Variants in SLBP observed in about 807,000 individuals in gnomAD.
SLBP encodes the protein stem-loop histone mRNA binding protein, also known as histone RNA hairpin-binding protein.
Under a neutral mutation model 39.2 loss-of-function variants are expected in SLBP, and 29 were observed. The observed-to-expected ratio is 0.74, with a 90% CI of 0.55 to 1.01. The LOEUF (loss-of-function observed/expected upper bound fraction) is 1.01. Among genes scored for constraint, SLBP ranks in the 50% least tolerant of loss-of-function variants. SLBP has a pLI of 0.00. For synonymous variants in SLBP, 129 were observed against 118.7 expected, an observed-to-expected ratio of 1.09 and a Z score of -0.57; for missense variants, 390 against 350.2, an observed-to-expected ratio of 1.11 and a Z score of -0.91.
At chr4:1,693,799 A>C (rs779387539) in intron 7 of SLBP, 86 bp from the exon 8 acceptor site, 3 of 788,208 alleles carry the variant, frequency 3.8e-6, no homozygotes, top group Non-Finnish European at 6.7e-6. Context: ...TTATGTGGTA[A>C]ATCATGTGAT....
chr4:1,710,604 T>A (rs868519151), intron 2 of SLBP, among the ~76,000 whole-genome samples: 15 of 152,326 alleles, frequency 9.8e-5, no homozygotes, highest in Admixed American at 6.5e-5. Flanking sequence ...AGGAGAAAGA[T>A]CTACATGTTC....
chr4:1,693,773 T>C (rs928303504), intron 7 of SLBP, 60 bp from the exon 8 acceptor site: 1 of 968,158 alleles, frequency 1.0e-6, no homozygotes, highest in Non-Finnish European at 1.7e-6. Context: ...AGGGGCCCCT[T>C]CCTACACCCC....
chr4:1,697,527 A>T (rs1318052622), intron 5 of SLBP, among the ~76,000 whole-genome samples: 8 of 151,994 alleles, frequency 5.3e-5, no homozygotes, highest in African/African-American at 1.2e-4. Context: ...AAATATGTTT[A>T]AAAAAATTAA....
chr4:1,698,002 C>T (rs1398157173), intron 5 of SLBP, among the ~76,000 whole-genome samples: 1 of 151,830 alleles, frequency 6.6e-6, no homozygotes, highest in Non-Finnish European at 1.5e-5. Flanking sequence ...CGGCATGCAC[C>T]GCTGGTCCCA....
At chr4:1,702,702 T>G (rs1336096641) in intron 3 of SLBP, among the ~76,000 whole-genome samples, 1 of 152,156 alleles carries the variant, frequency 6.6e-6, no homozygotes, top group African/African-American at 2.4e-5. Context: ...CATTAGGTAA[T>G]GAGTCAACGA....
At chr4:1,703,302 A>ATTGTGCACCTACTTCCACTC (rs1716399116) in intron 3 of SLBP, among the ~76,000 whole-genome samples, 1 of 151,296 alleles carries the variant, frequency 6.6e-6, no homozygotes, top group Non-Finnish European at 1.5e-5. Flanking sequence ...CAGTAACACC[A>ATTGTGCACCTACTTCCACTC]TTGTGCACCT....
intron 5 of SLBP, among the ~76,000 whole-genome samples, chr4:1,698,290 C>T (rs939078759): frequency 6.7e-6 from 1 of 150,320 alleles, no homozygotes; most frequent in African/African-American, 2.4e-5. Context: ...GTTGAAATTG[C>T]GCCACTGCAC....
chr4:1,706,508 C>A (rs933784743), intron 2 of SLBP, among the ~76,000 whole-genome samples: 4 of 152,062 alleles, frequency 2.6e-5, no homozygotes, highest in African/African-American at 9.7e-5. Context: ...AGTCTTCAGT[C>A]AATATTGGGA....
chr4:1,711,673 G>A (rs1016928806), intron 2 of SLBP, among the ~76,000 whole-genome samples: 1 of 152,230 alleles, frequency 6.6e-6, no homozygotes, highest in African/African-American at 2.4e-5. Flanking sequence ...TCCCATCCTG[G>A]CAAGAGGCTT....
intron 5 of SLBP, 72 bp from the exon 6 acceptor site, chr4:1,696,423 C>A: frequency 1.6e-6 from 2 of 1,259,996 alleles, no homozygotes; most frequent in Admixed American, 2.7e-5. Context: ...GAAGATTAAC[C>A]AAACTATGAG....
intron 5 of SLBP, among the ~76,000 whole-genome samples, chr4:1,698,774 G>A (rs1369511648): frequency 1.3e-5 from 2 of 150,690 alleles, no homozygotes; most frequent in Non-Finnish European, 1.5e-5. Context: ...ATGAGCCACT[G>A]CACTCAGCCA....
At position 1,697,516 on chromosome 4, in the gene SLBP, C is replaced by A. The variant is rs569222055; in HGVS notation, c.480-1165G>T. On this transcript the variant is annotated intron_variant, in intron 5 of 7. Transcript: ENST00000489418. Reference sequence around the variant, plus strand: ...ATCAACTGAGATCCTACAAAATGAACAAATATGTTTAAAAAAATTAAAAAA... The same window carrying A: ...ATCAACTGAGATCCTACAAAATGAAAAAATATGTTTAAAAAAATTAAAAAA... 6.1e-4 allele frequency among the ~76,000 whole-genome samples: 93 copies of A among 151,748 alleles called. 1 individual carries two copies. In the South Asian group the frequency reaches 0.019, roughly 31 times the overall value.
At chr4:1,703,785 G>C (rs914989305) in intron 2 of SLBP, 85 bp from the exon 3 acceptor site, 1 of 952,608 alleles carries the variant, frequency 1.0e-6, no homozygotes, top group Admixed American at 1.7e-5. Flanking sequence ...TCAAAGGCTG[G>C]TGGGACACAG....
chr4:1,706,369 G>C (rs1716517346), intron 2 of SLBP, among the ~76,000 whole-genome samples: 2 of 152,226 alleles, frequency 1.3e-5, no homozygotes, highest in Non-Finnish European at 2.9e-5. Context: ...TGTACACTAT[G>C]ATTACAATGT....
At position 1,711,899 on chromosome 4, in the gene SLBP, G is replaced by A. The variant is rs1454397473; in HGVS notation, c.151C>T (p.Arg51Cys). ...RPEDAEEAEHRGAERRPESFT... is the reference protein window; with the variant it reads ...RPEDAEEAEHCGAERRPESFT... ...CTCTCGGGTCTGCGCTCGGCGCCGC[G>A]GTGCTCTGCCTCCTCGGCGTCTTCG... The change falls in exon 2 of 8, where the codon CGC becomes TGC. Residue 51 changes from arginine to cysteine, a missense_variant. By Grantham distance (180) the Arg-to-Cys change is radical (BLOSUM62 -3). Transcript: ENST00000489418. The A allele has an allele frequency of 1.5e-6, 2 of 1,367,458 alleles. No homozygotes were observed. Among genetic ancestry groups the A allele is most frequent in the East Asian group, 3.1e-5 (1 of 32,456 alleles). 84.7% of individuals were successfully genotyped at this position (1,367,458 alleles called of 1,614,324 possible).
At chr4:1,702,832 T>C (rs1383040627) in intron 3 of SLBP, among the ~76,000 whole-genome samples, 3 of 152,174 alleles carry the variant, frequency 2.0e-5, no homozygotes, top group Non-Finnish European at 2.9e-5. Context: ...TTCTGAGCTG[T>C]TTGTTGCCTA....
chr4:1,696,893 C>A (rs1244160398), intron 5 of SLBP, among the ~76,000 whole-genome samples: 10 of 149,558 alleles, frequency 6.7e-5, no homozygotes, highest in Non-Finnish European at 8.9e-5. Flanking sequence ...CGAGACTTCA[C>A]CTCCAAAAAA....
intron 5 of SLBP, among the ~76,000 whole-genome samples, chr4:1,698,494 G>GT (rs1170061839): frequency 2.3e-4 from 33 of 143,884 alleles, no homozygotes; most frequent in Middle Eastern, 3.5e-3. Flanking sequence ...AAAAAAAATT[G>GT]TTTTTTTTGA....
chr4:1,711,925 G>C lies in SLBP; in HGVS notation c.125C>G (p.Pro42Arg). 1 of 1,360,508 alleles carries C rather than the reference G, an allele frequency of 7.4e-7. No homozygotes were observed. The highest frequency in any genetic ancestry group is 9.5e-7 in the Non-Finnish European group (1 of 1,055,856). The allele number at this position is 1,360,508 out of a possible 1,614,324, so 84.3% of individuals were successfully genotyped here. The change falls in exon 2 of 8, where the codon CCC becomes CGC. Residue 42 changes from proline to arginine, a missense_variant. Pro to Arg is a moderately radical substitution (Grantham distance 103). Transcript: ENST00000489418. ...GTGCTCTGCCTCCTCGGCGTCTTCG[G>C]GCCTCCAGCGCCTGCCGTCGGCTCT... ...KRRADGRRWR[P>R]EDAEEAEHRG...
Sources: allele counts gnomAD v4.1 joint callset (sites outside exome capture counted in the v4.1 genomes callset), GRCh38; gene constraint gnomAD v4.1.1; transcripts MANE v1.5; gene names NCBI Gene and HGNC (gene_info 2026-07-23, HGNC 2026-07-21).